Variants in TNPO3 observed in about 807,000 individuals in gnomAD.
TNPO3 encodes the protein transportin 3, also known as transportin-3.
A neutral mutation model predicts 122.8 loss-of-function variants in TNPO3; 65 were observed. The ratio of observed to expected loss-of-function variants is 0.53; its 90% CI spans 0.43 to 0.65. TNPO3 has a LOEUF of 0.65. Ranked by LOEUF, TNPO3 falls within the 30% of genes least tolerant of loss-of-function variation. The pLI is 0.00. For missense variants in TNPO3, 850 were observed against 1,136.7 expected, an observed-to-expected ratio of 0.75 and a Z score of 3.63; for synonymous variants, 372 against 411.2, an observed-to-expected ratio of 0.90 and a Z score of 1.15.
chr7:129,054,900 T>C lies in TNPO3; in HGVS notation c.-130A>G, dbSNP rs1809306912. ...CTGACTGGCGCCATCTCCTCCTCTT[T>C]GGCCGTTACCAGGGCAGAAGGCTCT... On this transcript the variant is annotated 5_prime_UTR_variant, in exon 1 of 23. Coordinates refer to ENST00000265388, the MANE Select transcript of TNPO3 (RefSeq NM_012470.4). 2.4e-6 allele frequency: 3 copies of C among 1,276,392 alleles called. No individual in the cohort carries two copies. In the South Asian group the frequency reaches 4.0e-5, roughly 17 times the overall value. 79.1% of individuals were successfully genotyped at this position (1,276,392 alleles called of 1,614,324 possible).
intron 1 of TNPO3, among the ~76,000 whole-genome samples, chr7:129,037,889 AT>A (rs538379219): frequency 2.0e-5 from 3 of 152,280 alleles, no homozygotes; most frequent in African/African-American, 7.2e-5. Flanking sequence ...AAAAAAAACT[AT>A]TTTGCACAAT....
At chr7:129,032,555 C>A (rs919605161) in intron 1 of TNPO3, among the ~76,000 whole-genome samples, 7 of 152,078 alleles carry the variant, frequency 4.6e-5, no homozygotes, top group Non-Finnish European at 8.8e-5. Context: ...AAATTAGTTG[C>A]TTCTACATAC....
intron 1 of TNPO3, among the ~76,000 whole-genome samples, chr7:129,022,819 C>T (rs1804684681): frequency 6.6e-6 from 1 of 152,052 alleles, no homozygotes; most frequent in African/African-American, 2.4e-5. Context: ...CTGTTACTTG[C>T]AAAAATGTAG....
At chr7:129,026,651 G>A (rs571011907) in intron 1 of TNPO3, among the ~76,000 whole-genome samples, 8 of 152,134 alleles carry the variant, frequency 5.3e-5, no homozygotes, top group Non-Finnish European at 1.0e-4. Context: ...TGATCTGCCC[G>A]CCTTGGTCTC....
At chr7:129,006,062 C>A (rs6978651) in intron 4 of TNPO3, among the ~76,000 whole-genome samples, 3,642 of 152,234 alleles carry the variant, frequency 0.024, 75 homozygotes, top group East Asian at 0.065. Flanking sequence ...GGATTACAGG[C>A]ATGAGCCACT....
Position 128,974,867 on chromosome 7 carries a change from C to T in TNPO3, c.2273+1G>A, listed in dbSNP as rs1370841717. On this transcript the variant is annotated splice_donor_variant, in intron 18 of 22. Transcript: ENST00000265388. LOFTEE classifies it high-confidence loss of function. ...GAAATGGGCTCTTCAGAAGGATTTA[C>T]CTGGTGGCTAGCCGGAACAGGTCAT... 1.2e-6 allele frequency: 2 copies of T among 1,613,230 alleles called. No individual in the cohort carries two copies. The highest frequency in any genetic ancestry group is 1.1e-5 in the South Asian group (1 of 91,062).
chr7:128,994,307 G>GC (rs764986756), intron 8 of TNPO3, among the ~76,000 whole-genome samples: 2 of 151,956 alleles, frequency 1.3e-5, no homozygotes, highest in Non-Finnish European at 2.9e-5. Context: ...ACAGACACAC[G>GC]CCACCACACC....
At chr7:128,955,419 C>A (rs979414402) in intron 22 of TNPO3, 34 bp from the exon 23 acceptor site, 9 of 441,228 alleles carry the variant, frequency 2.0e-5, no homozygotes, top group African/African-American at 1.4e-4. Flanking sequence ...AATAACTGCA[C>A]CAGAAAATAG....
chr7:129,014,297 T>G (rs947803639), intron 4 of TNPO3, among the ~76,000 whole-genome samples: 1 of 152,048 alleles, frequency 6.6e-6, no homozygotes, highest in African/African-American at 2.4e-5. Context: ...CCAAGGCAGG[T>G]GGATCACTTG....
At chr7:129,021,556 A>G (rs1182496046) in intron 1 of TNPO3, among the ~76,000 whole-genome samples, 1 of 152,138 alleles carries the variant, frequency 6.6e-6, no homozygotes, top group East Asian at 1.9e-4. Context: ...AGATGAAGGA[A>G]GAAAAGGTTG....
At chr7:129,011,966 A>T (rs1803249807) in intron 4 of TNPO3, among the ~76,000 whole-genome samples, 1 of 151,718 alleles carries the variant, frequency 6.6e-6, no homozygotes, top group African/African-American at 2.4e-5. Flanking sequence ...AACTTAAAAG[A>T]ATTATTTTTC....
chr7:128,969,024 C>A (rs1021478023), intron 20 of TNPO3, among the ~76,000 whole-genome samples: 2 of 152,018 alleles, frequency 1.3e-5, no homozygotes, highest in African/African-American at 2.4e-5. Flanking sequence ...TTGTGTCTGG[C>A]TGATATACAG....
chr7:129,025,744 G>A (rs901666800), intron 1 of TNPO3, among the ~76,000 whole-genome samples: 33 of 152,056 alleles, frequency 2.2e-4, no homozygotes, highest in African/African-American at 7.7e-4. Flanking sequence ...TGGTTAAAAG[G>A]CCATCTGCAT....
At chr7:128,998,245 A>G (rs1585343314) in intron 7 of TNPO3, among the ~76,000 whole-genome samples, 1 of 152,076 alleles carries the variant, frequency 6.6e-6, no homozygotes, top group Non-Finnish European at 1.5e-5. Context: ...CTGTATTCCC[A>G]GCTACTCAGG....
chr7:129,027,839 G>A (rs1279391443), intron 1 of TNPO3, among the ~76,000 whole-genome samples: 2 of 152,056 alleles, frequency 1.3e-5, no homozygotes, highest in Non-Finnish European at 2.9e-5. Context: ...CAGAAATATC[G>A]AAGAGAAGCC....
intron 11 of TNPO3, among the ~76,000 whole-genome samples, chr7:128,988,319 T>C (rs988940860): frequency 1.3e-5 from 2 of 152,176 alleles, no homozygotes; most frequent in Non-Finnish European, 2.9e-5. Context: ...TATGTCCATT[T>C]CTAGTCTAAT....
At chr7:129,009,784 A>C (rs1213664622) in intron 4 of TNPO3, among the ~76,000 whole-genome samples, 1 of 152,228 alleles carries the variant, frequency 6.6e-6, no homozygotes, top group Non-Finnish European at 1.5e-5. Context: ...GTCTAAAAGC[A>C]GCTCTTACTT....
intron 4 of TNPO3, 145 bp downstream of exon 4, chr7:129,014,833 TG>T: frequency 1.5e-6 from 1 of 679,878 alleles, no homozygotes; most frequent in Non-Finnish European, 2.3e-6. Context: ...GAAAGTATGT[TG>T]TCATGGTAAG....
intron 1 of TNPO3, among the ~76,000 whole-genome samples, chr7:129,054,132 AT>A (rs763285351): frequency 2.0e-5 from 3 of 152,228 alleles, no homozygotes; most frequent in Non-Finnish European, 4.4e-5. Flanking sequence ...GAAAACTCGC[AT>A]GAGTAAGAAT....
Sources: allele counts gnomAD v4.1 joint callset (sites outside exome capture counted in the v4.1 genomes callset), GRCh38; gene constraint gnomAD v4.1.1; transcripts MANE v1.5; gene names NCBI Gene and HGNC (gene_info 2026-07-23, HGNC 2026-07-21).